GFI1B: variants seen among roughly 807,000 people sequenced by gnomAD.
The protein encoded by GFI1B is growth factor independent 1B transcriptional repressor.
Under a neutral mutation model 35.3 loss-of-function variants are expected in GFI1B, and 20 were observed. The ratio of observed to expected loss-of-function variants is 0.57; its 90% confidence interval spans 0.40 to 0.82. The LOEUF is 0.82. Ranked by LOEUF, GFI1B falls within the 40% of genes least tolerant of loss-of-function variation. The pLI is 0.00. For missense variants in GFI1B, 430 were observed against 446.3 expected (o/e 0.96, Z 0.33); for synonymous variants, 178 against 177.6 (o/e 1.00, Z -0.02).
Position 132,967,444 on chromosome 9 carries a change from G to A in GFI1B, c.-700-5281G>A, listed in dbSNP as rs144822846. Among the ~76,000 whole-genome samples the A allele has an allele frequency of 5.5e-3, 833 of 152,170 alleles. 7 individuals carry two copies. Among genetic ancestry groups the A allele is most frequent in the African/African-American group, 0.019 (771 of 41,508 alleles). On this transcript the variant is annotated intron_variant, in intron 1 of 10. Transcript: ENST00000339463. Reference sequence around the variant, plus strand: ...GGAAAAAATCATTACGAAAAGAAAGGGGCAGGGGGTGCTCTTCCATCATAA... The same window carrying A: ...GGAAAAAATCATTACGAAAAGAAAGAGGCAGGGGGTGCTCTTCCATCATAA...
At chr9:132,962,546 C>A (rs1283079078) in intron 1 of GFI1B, 5 of 494,812 alleles carry the variant, frequency 1.0e-5, no homozygotes, top group Admixed American at 2.1e-5. Flanking sequence ...TTAAGTGATT[C>A]CTGGCCAAGA....
chr9:132,960,353 A>G (rs749938568), intron 1 of GFI1B, among the ~76,000 whole-genome samples: 8 of 152,166 alleles, frequency 5.3e-5, no homozygotes, highest in Admixed American at 3.3e-4. Flanking sequence ...TCATGTATGA[A>G]GGACCCTGGG....
intron 1 of GFI1B, among the ~76,000 whole-genome samples, chr9:132,968,191 T>A (rs1326699497): frequency 6.6e-6 from 1 of 152,088 alleles, no homozygotes; most frequent in African/African-American, 2.4e-5. Flanking sequence ...CATAGCTCAC[T>A]GCAGCCTCTA....
Position 132,972,337 on chromosome 9 carries a change from A to C in GFI1B, c.-700-388A>C, listed in dbSNP as rs191512569. Among the ~76,000 whole-genome samples, 733 of 152,304 alleles carry C rather than the reference A, an allele frequency of 4.8e-3. 5 individuals are homozygous for C. The highest frequency in any genetic ancestry group is 8.2e-3 in the Non-Finnish European group (561 of 68,014). On this transcript the variant is annotated intron_variant, in intron 1 of 10. Transcript: ENST00000339463. ...CTCGGGAGGCTGAGGCAGGAGAATCACTTGAACCTGGGAGGTGGATGTTGC... is the reference window on the plus strand; with the variant it reads ...CTCGGGAGGCTGAGGCAGGAGAATCCCTTGAACCTGGGAGGTGGATGTTGC...
intron 1 of GFI1B, chr9:132,946,889 T>C (rs1188387782): frequency 6.6e-6 from 1 of 152,478 alleles, no homozygotes; most frequent in African/African-American, 2.4e-5. Context: ...CTACACTGTC[T>C]GGAAGAAGAA....
In GFI1B at chr9:132,979,717, T is replaced by A. The variant is rs143042724; in HGVS notation, c.-21+876T>A. ...GCTGTTGTTAGCCCTTTCCACCTATTTTTGGAGAAAAAAAACCAAGTTTAA... is the reference window on the plus strand; with the variant it reads ...GCTGTTGTTAGCCCTTTCCACCTATATTTGGAGAAAAAAAACCAAGTTTAA... On this transcript the variant is annotated intron_variant, in intron 1 of 6. Coordinates refer to ENST00000372122, the MANE Select transcript of GFI1B (RefSeq NM_001377304.1). Among the ~76,000 whole-genome samples the A allele has an allele frequency of 3.8e-3, 579 of 152,208 alleles. 4 individuals are homozygous for A. Among genetic ancestry groups the A allele is most frequent in the African/African-American group, 0.013 (542 of 41,524 alleles).
intron 1 of GFI1B, among the ~76,000 whole-genome samples, chr9:132,960,351 G>A (rs1588410511): frequency 6.6e-6 from 1 of 152,220 alleles, no homozygotes. Flanking sequence ...AGTCATGTAT[G>A]AAGGACCCTG....
chr9:132,954,234 G>A (rs1455488553), intron 1 of GFI1B, among the ~76,000 whole-genome samples: 3 of 151,988 alleles, frequency 2.0e-5, no homozygotes, highest in Admixed American at 1.3e-4. Context: ...GGGACTACAG[G>A]CACGTGCACC....
chr9:132,948,060 G>A (rs761642204), intron 1 of GFI1B, among the ~76,000 whole-genome samples: 5 of 152,218 alleles, frequency 3.3e-5, no homozygotes, highest in Non-Finnish European at 1.5e-5. Flanking sequence ...CGTCCACAAG[G>A]ACTCAAATAT....
At chr9:132,991,987 C>A (rs1257175496), downstream of GFI1B, among the ~76,000 whole-genome samples, 8 of 152,140 alleles carry the variant, frequency 5.3e-5, no homozygotes, top group African/African-American at 9.7e-5. Flanking sequence ...CTTAAAACAA[C>A]ACACATTTAT....
At chr9:132,947,255 C>A (rs1283172563) in intron 1 of GFI1B, 1 of 152,192 alleles carries the variant, frequency 6.6e-6, no homozygotes, top group Non-Finnish European at 1.5e-5. Flanking sequence ...AGGTGAACCG[C>A]CCATCCTCAA....
chr9:132,970,535 T>C (rs1848518303), intron 1 of GFI1B, among the ~76,000 whole-genome samples: 1 of 152,150 alleles, frequency 6.6e-6, no homozygotes, highest in Non-Finnish European at 1.5e-5. Context: ...ACGTGCAGTG[T>C]GGTGCTCATC....
intron 1 of GFI1B, among the ~76,000 whole-genome samples, chr9:132,959,095 G>T (rs1051560043): frequency 4.6e-5 from 7 of 152,132 alleles, no homozygotes; most frequent in African/African-American, 1.2e-4. Flanking sequence ...AGCTCAGAAG[G>T]TTCCCAGGAC....
At chr9:132,950,462 G>A (rs969776569) in intron 1 of GFI1B, among the ~76,000 whole-genome samples, 1 of 151,622 alleles carries the variant, frequency 6.6e-6, no homozygotes, top group Admixed American at 6.6e-5. Context: ...CAGGAGGTGG[G>A]ATGGATAAGA....
Position 132,989,721 on chromosome 9 carries a change from G to A in GFI1B, c.649-21G>A, listed in dbSNP as rs755145823. The A allele has an allele frequency of 1.9e-6, 3 of 1,610,902 alleles. No individual in the cohort carries two copies. In the Admixed American group the frequency reaches 5.0e-5, roughly 27 times the overall value. ...TCCTGAGCCTGCACCTGACCCCCCGGGGCCTCATTTCCTCCGGCAGGAGCG... is the reference window on the plus strand; with the variant it reads ...TCCTGAGCCTGCACCTGACCCCCCGAGGCCTCATTTCCTCCGGCAGGAGCG... On this transcript the variant is annotated intron_variant, in intron 5 of 6. Transcript: ENST00000372122. This position sits in a 1 kb window ranked among gnomAD's most constrained non-coding sequence, Gnocchi z 6.2.
At position 132,978,798 on chromosome 9, in the gene GFI1B, C is replaced by T. The variant is rs767931356; in HGVS notation, c.-64C>T. On this transcript the variant is annotated 5_prime_UTR_variant, in exon 1 of 7. Transcript: ENST00000372122. ...GAGAGAGGCTTTGCAGTTCCCACCT[C>T]GGGAAGCTCCGGCAGAACCCAGGCG... The T allele has an allele frequency of 1.3e-5, 2 of 152,308 alleles. No homozygotes were observed. Among genetic ancestry groups the T allele is most frequent in the Non-Finnish European group, 1.5e-5 (1 of 68,088 alleles). 9.4% of individuals were successfully genotyped at this position (152,308 alleles called of 1,614,324 possible).
chr9:132,980,618 C>T (rs1312752140), intron 1 of GFI1B, among the ~76,000 whole-genome samples: 1 of 152,220 alleles, frequency 6.6e-6, no homozygotes, highest in Admixed American at 6.5e-5. Context: ...CACCATCCAT[C>T]CACAGAACTG....
chr9:132,952,971 A>C (rs1471665218), intron 1 of GFI1B: 1 of 152,186 alleles, frequency 6.6e-6, no homozygotes, highest in Non-Finnish European at 1.5e-5. Context: ...ATCATGATGT[A>C]TTTTTAAAAA....
upstream of GFI1B, among the ~76,000 whole-genome samples, chr9:132,978,156 A>G (rs1848688028): frequency 6.7e-6 from 1 of 148,542 alleles, no homozygotes; most frequent in Non-Finnish European, 1.5e-5. Flanking sequence ...AGGAGGGAGG[A>G]AAGGAGGGAA....
Sources: gnomAD v4.1 joint callset for allele counts (sites outside exome capture counted in the v4.1 genomes callset) on GRCh38, gnomAD v4.1.1 for gene constraint, Gnocchi (gnomAD v3.1) non-coding constraint, MANE v1.5 for transcripts, NCBI Gene and HGNC (gene_info 2026-07-23, HGNC 2026-07-21) for gene names.